Variants in PRKAR2B observed in about 807,000 individuals in gnomAD.
PRKAR2B encodes the protein protein kinase cAMP-dependent type II regulatory subunit beta, also known as cAMP-dependent protein kinase type II-beta regulatory subunit.
Under a neutral mutation model 49.9 loss-of-function variants are expected in PRKAR2B, and 14 were observed. The ratio of observed to expected loss-of-function variants is 0.28; its 90% CI spans 0.19 to 0.44. The LOEUF is 0.44. PRKAR2B is among the 20% of genes least tolerant of loss of function. PRKAR2B has a pLI of 1.00. For missense variants in PRKAR2B, 393 were observed against 537.9 expected, an observed-to-expected ratio of 0.73 and a Z score of 2.67; for synonymous variants, 196 against 197.7, an observed-to-expected ratio of 0.99 and a Z score of 0.07.
chr7:107,153,554 C>T (rs1204695514), intron 8 of PRKAR2B, among the ~76,000 whole-genome samples: 2 of 152,062 alleles, frequency 1.3e-5, no homozygotes, highest in Non-Finnish European at 2.9e-5. Context: ...TTAATGAGGA[C>T]CCAGAAAGTA....
chr7:107,140,213 G>A (rs562063599), intron 4 of PRKAR2B, among the ~76,000 whole-genome samples: 14 of 152,294 alleles, frequency 9.2e-5, no homozygotes, highest in Non-Finnish European at 1.8e-4. Flanking sequence ...TTAATTAGTT[G>A]TTGAATAGTA....
chr7:107,050,459 G>A (rs1793780226), intron 1 of PRKAR2B, among the ~76,000 whole-genome samples: 1 of 146,420 alleles, frequency 6.8e-6, no homozygotes, highest in Non-Finnish European at 1.5e-5. Flanking sequence ...ATGGATTCCA[G>A]TAAATTTCCA....
intron 1 of PRKAR2B, among the ~76,000 whole-genome samples, chr7:107,065,353 T>C (rs1401123794): frequency 6.6e-6 from 1 of 151,188 alleles, no homozygotes; most frequent in African/African-American, 2.4e-5. Flanking sequence ...TGTGTGTGTG[T>C]GTGTGTGTGT....
chr7:107,133,360 CT>C (rs1479413327), intron 4 of PRKAR2B, among the ~76,000 whole-genome samples: 3 of 152,158 alleles, frequency 2.0e-5, no homozygotes, highest in Admixed American at 2.0e-4. Context: ...TTTATTTCAT[CT>C]TTTTTCCCCA....
intron 7 of PRKAR2B, among the ~76,000 whole-genome samples, chr7:107,152,109 A>G (rs12705406): frequency 0.91 from 138,008 of 152,270 alleles, 62,705 homozygotes; most frequent in East Asian, 0.99. Context: ...TCTCAGGCCA[A>G]AAACCTTCGA....
At chr7:107,099,483 G>T (rs948096735) in intron 2 of PRKAR2B, among the ~76,000 whole-genome samples, 11 of 152,030 alleles carry the variant, frequency 7.2e-5, no homozygotes, top group African/African-American at 2.4e-4. Flanking sequence ...GCGATGCCCC[G>T]CCCTGCACCG....
chr7:107,107,285 C>T (rs1452570197), intron 2 of PRKAR2B, among the ~76,000 whole-genome samples: 9 of 151,760 alleles, frequency 5.9e-5, no homozygotes, highest in Admixed American at 5.3e-4. Context: ...TGTAGTGAGC[C>T]GACATGGCGC....
chr7:107,114,806 T>C (rs576102863), intron 2 of PRKAR2B, among the ~76,000 whole-genome samples: 2 of 152,232 alleles, frequency 1.3e-5, no homozygotes, highest in South Asian at 4.2e-4. Context: ...TGTTTACTTG[T>C]GGGGTGTGAA....
At chr7:107,114,522 C>T (rs977051342) in intron 2 of PRKAR2B, among the ~76,000 whole-genome samples, 8 of 141,198 alleles carry the variant, frequency 5.7e-5, no homozygotes, top group African/African-American at 1.5e-4. Flanking sequence ...CCACCATGCC[C>T]GGTTAATTTT....
At chr7:107,104,062 G>A (rs571353879) in intron 2 of PRKAR2B, among the ~76,000 whole-genome samples, 23 of 151,430 alleles carry the variant, frequency 1.5e-4, no homozygotes, top group African/African-American at 5.3e-4. Context: ...ACGGAGTCTC[G>A]CACTTTTGGT....
intron 2 of PRKAR2B, among the ~76,000 whole-genome samples, chr7:107,075,030 T>C (rs756704058): frequency 1.3e-5 from 2 of 152,126 alleles, no homozygotes; most frequent in Non-Finnish European, 2.9e-5. Context: ...ATTTATTTTC[T>C]TTTCTTTCAG....
In PRKAR2B at chr7:107,142,439, G is replaced by T. The variant is rs73413380; in HGVS notation, c.587+1486G>T. ...AAACACCTCAGAAATGCACCTAAGT[G>T]TGTTTAATTGTAGAGGTGTATGAGA... is the stretch of plus-strand genomic sequence containing the variant. On this transcript the variant is annotated intron_variant, in intron 5 of 10. Coordinates refer to ENST00000265717, the MANE Select transcript of PRKAR2B (RefSeq NM_002736.3). Among the ~76,000 whole-genome samples the T allele has an allele frequency of 4.8e-3, 724 of 152,328 alleles. 6 individuals carry two copies. The highest frequency in any genetic ancestry group is 0.016 in the African/African-American group (675 of 41,576).
rs1335842426 is a variant in PRKAR2B at position 107,124,903 on chromosome 7, TG to T, written c.396+2903del. ...TTCAGAGAGTAAATATTTTAGGCTTTGGGGAGTCATGGGGTCTCCTTTGCAA... is the reference window on the plus strand; with the variant it reads ...TTCAGAGAGTAAATATTTTAGGCTTTGGGAGTCATGGGGTCTCCTTTGCAA... On this transcript the variant is annotated intron_variant, in intron 3 of 10. Coordinates refer to ENST00000265717, the MANE Select transcript of PRKAR2B (RefSeq NM_002736.3). Among the ~76,000 whole-genome samples the T allele has an allele frequency of 7.9e-5, 12 of 152,266 alleles. No homozygotes were observed. The East Asian group carries it at 2.3e-3, about 29-fold the overall frequency.
chr7:107,086,500 A>G (rs1794623870), intron 2 of PRKAR2B, among the ~76,000 whole-genome samples: 1 of 151,662 alleles, frequency 6.6e-6, no homozygotes, highest in Non-Finnish European at 1.5e-5. Context: ...TTTTTTTAAG[A>G]CAAACTCTCT....
chr7:107,050,417 A>G (rs2116746118), intron 1 of PRKAR2B, among the ~76,000 whole-genome samples: 1 of 128,784 alleles, frequency 7.8e-6, no homozygotes, highest in East Asian at 2.6e-4. Flanking sequence ...GTGAATATTG[A>G]ATGGTTATTT....
chr7:107,149,342 G>A (rs910371089), intron 6 of PRKAR2B, among the ~76,000 whole-genome samples: 1 of 152,122 alleles, frequency 6.6e-6, no homozygotes, highest in Non-Finnish European at 1.5e-5. Flanking sequence ...TCCTTTTGGG[G>A]TGCTATGACA....
chr7:107,092,966 A>G (rs2116802462), intron 2 of PRKAR2B, among the ~76,000 whole-genome samples: 1 of 152,344 alleles, frequency 6.6e-6, no homozygotes, highest in Non-Finnish European at 1.5e-5. Flanking sequence ...ATGAGGACTC[A>G]TGCAATATTT....
At chr7:107,094,017 G>C (rs974597798) in intron 2 of PRKAR2B, among the ~76,000 whole-genome samples, 1 of 152,130 alleles carries the variant, frequency 6.6e-6, no homozygotes, top group African/African-American at 2.4e-5. Context: ...AATCCTTTGG[G>C]TATATACCCA....
intron 1 of PRKAR2B, 82 bp downstream of exon 1, chr7:107,045,296 C>A (rs942084744): frequency 5.7e-6 from 7 of 1,225,904 alleles, no homozygotes; most frequent in Non-Finnish European, 7.6e-6. Context: ...CGGATCTTGC[C>A]GCTTTGCGCA....
Sources: gnomAD v4.1 joint callset for allele counts (sites outside exome capture counted in the v4.1 genomes callset) on GRCh38, gnomAD v4.1.1 for gene constraint, MANE v1.5 for transcripts, NCBI Gene and HGNC (gene_info 2026-07-23, HGNC 2026-07-21) for gene names.